The following FBXO25 variants were observed in gnomAD, a reference collection of about 807,000 sequenced individuals.
FBXO25 encodes the protein F-box only protein 25.
A neutral mutation model predicts 51.9 loss-of-function variants in FBXO25; 45 were observed. The observed-to-expected ratio is 0.87, with a 90% confidence interval of 0.68 to 1.11. The LOEUF (loss-of-function observed/expected upper bound fraction) is 1.11. Among genes scored for constraint, FBXO25 ranks in the 50% most tolerant of loss-of-function variants. The pLI, the probability that FBXO25 is intolerant of heterozygous loss-of-function variation, is 0.00. For missense variants in FBXO25, 507 were observed against 428.5 expected, an observed-to-expected ratio of 1.18 and a Z score of -1.62; for synonymous variants, 199 against 151.0, an observed-to-expected ratio of 1.32 and a Z score of -2.33.
intron 5 of FBXO25, among the ~76,000 whole-genome samples, chr8:437,489 C>A (rs962464311): frequency 6.6e-6 from 1 of 152,220 alleles, no homozygotes; most frequent in Non-Finnish European, 1.5e-5. Flanking sequence ...ATCCCACCTT[C>A]CCTCTCCTGA....
chr8:462,871 C>G (rs1799904801), intron 8 of FBXO25, 136 bp from the exon 9 acceptor site: 39 of 1,027,658 alleles, frequency 3.8e-5, no homozygotes, highest in Non-Finnish European at 5.1e-5. Context: ...GTAACCAAAA[C>G]CCACTTGTAA....
At chr8:427,399 G>A (rs2117574515) in intron 2 of FBXO25, among the ~76,000 whole-genome samples, 1 of 151,034 alleles carries the variant, frequency 6.6e-6, no homozygotes, top group East Asian at 1.9e-4. Context: ...GGCACTTAGA[G>A]TCATGGCAAC....
Position 460,678 on chromosome 8 carries a change from C to T in FBXO25, c.843+2127C>T, listed in dbSNP as rs78513538. On this transcript the variant is annotated intron_variant, in intron 8 of 9. Transcript: ENST00000350302. ...GGAAAACCATGGGAGGGGATTCTCC[C>T]GTGAACACTGGTGTCACACACAGTC... 2.9e-3 allele frequency among the ~76,000 whole-genome samples: 443 copies of T among 152,282 alleles called. 3 individuals are homozygous for T. Among genetic ancestry groups the T allele is most frequent in the Middle Eastern group, 0.01 (3 of 294 alleles).
At chr8:462,375 GA>G (rs2116821458) in intron 8 of FBXO25, among the ~76,000 whole-genome samples, 1 of 152,206 alleles carries the variant, frequency 6.6e-6, no homozygotes, top group Admixed American at 6.5e-5. Flanking sequence ...ATCTATTCTA[GA>G]TATAAGTCTG....
intron 5 of FBXO25, among the ~76,000 whole-genome samples, chr8:438,950 G>C (rs1398962991): frequency 1.3e-5 from 2 of 152,124 alleles, no homozygotes; most frequent in African/African-American, 4.8e-5. Context: ...GCAGGGGCTT[G>C]GTTTGTTCAC....
chr8:434,425 C>T (rs942294534), intron 4 of FBXO25, among the ~76,000 whole-genome samples: 17 of 152,266 alleles, frequency 1.1e-4, no homozygotes, highest in Non-Finnish European at 2.1e-4. Flanking sequence ...GTTTCCTTTC[C>T]CCAGAGTTCC....
intron 7 of FBXO25, among the ~76,000 whole-genome samples, chr8:451,906 A>C (rs1463826057): frequency 6.6e-6 from 1 of 152,224 alleles, no homozygotes; most frequent in Non-Finnish European, 1.5e-5. Context: ...AGAAGGTGCA[A>C]ATCATGTCAG....
chr8:426,672 C>A (rs1413584003), intron 2 of FBXO25, among the ~76,000 whole-genome samples: 1 of 151,494 alleles, frequency 6.6e-6, no homozygotes, highest in African/African-American at 2.4e-5. Context: ...GGTGGACTTT[C>A]TGGCACAGCC....
rs181511883 is a variant in FBXO25, at chr8:462,484, T to C, written c.844-523T>C. On this transcript the variant is annotated intron_variant, in intron 8 of 9. Transcript: ENST00000350302. Reference sequence around the variant, plus strand: ...TTAAGTCTGTTTAACAGCTGCTTGGTATTCCATTATACAGGCATAACACAA... The same window carrying C: ...TTAAGTCTGTTTAACAGCTGCTTGGCATTCCATTATACAGGCATAACACAA... 1.8e-4 allele frequency among the ~76,000 whole-genome samples: 28 copies of C among 152,354 alleles called. No homozygotes were observed. The East Asian group carries it at 5.2e-3, about 28-fold the overall frequency.
intron 6 of FBXO25, among the ~76,000 whole-genome samples, chr8:450,550 CTATATT>C: frequency 6.6e-6 from 1 of 152,254 alleles, no homozygotes; most frequent in East Asian, 1.9e-4. Context: ...ATATATGACT[CTATATT>C]TAAGCCATTT....
rs755004042 is a variant in FBXO25, at chr8:477,774, C to G, written c.*8970C>G. 1 of 152,270 alleles carries G rather than the reference C, an allele frequency of 6.6e-6. No individual in the cohort carries two copies. Among genetic ancestry groups the G allele is most frequent in the Non-Finnish European group, 1.5e-5 (1 of 68,056 alleles). 9.4% of individuals were successfully genotyped at this position (152,270 alleles called of 1,614,324 possible). A position where few individuals can be genotyped will look rare whatever the true frequency, so the allele number is the denominator to read the frequency against. On this transcript the variant is annotated 3_prime_UTR_variant, in exon 10 of 10. Transcript: ENST00000350302. ...TTTTTGGACAATAAAATCTGAATTT[C>G]ACATACTTTTCTTATGTCATTAGAT...
At chr8:431,726 G>T (rs1797831045) in intron 3 of FBXO25, among the ~76,000 whole-genome samples, 1 of 152,196 alleles carries the variant, frequency 6.6e-6, no homozygotes, top group South Asian at 2.1e-4. Context: ...CTTGAGCAGT[G>T]AGGCCAAACT....
chr8:477,002 TACC>T lies in FBXO25; in HGVS notation c.*8201_*8203del, dbSNP rs1285824516. On this transcript the variant is annotated 3_prime_UTR_variant, in exon 10 of 10. Coordinates refer to ENST00000350302, the MANE Select transcript of FBXO25 (RefSeq NM_183420.2). Reference sequence around the variant, plus strand: ...TTTTTTGTATATTACATTTTTCATTTACCACAAGATATTTTCTAATTTCCCTTG... The same window carrying T: ...TTTTTTGTATATTACATTTTTCATTTACAAGATATTTTCTAATTTCCCTTG... The T allele has an allele frequency of 6.6e-6, 1 of 152,084 alleles. No individual in the cohort carries two copies. Among genetic ancestry groups the T allele is most frequent in the Non-Finnish European group, 1.5e-5 (1 of 68,038 alleles). The allele number at this position is 152,084 out of a possible 1,614,324, so 9.4% of individuals were successfully genotyped here.
chr8:467,279 T>C (rs1263796395), intron 9 of FBXO25, among the ~76,000 whole-genome samples: 1 of 152,180 alleles, frequency 6.6e-6, no homozygotes, highest in Non-Finnish European at 1.5e-5. Flanking sequence ...ATTGACTTAA[T>C]GTGCATTACT....
At chr8:437,463 C>T (rs1798168142) in intron 5 of FBXO25, among the ~76,000 whole-genome samples, 1 of 152,258 alleles carries the variant, frequency 6.6e-6, no homozygotes, top group Non-Finnish European at 1.5e-5. Flanking sequence ...CTCATCTGTG[C>T]TCCTGCTCTG....
intron 9 of FBXO25, among the ~76,000 whole-genome samples, chr8:465,135 C>T (rs989811740): frequency 6.6e-6 from 1 of 152,092 alleles, no homozygotes; most frequent in Non-Finnish European, 1.5e-5. Flanking sequence ...GGAAAGGGGC[C>T]GATTGAGTGA....
intron 2 of FBXO25, among the ~76,000 whole-genome samples, chr8:422,894 G>A (rs975315186): frequency 3.3e-5 from 5 of 152,056 alleles, no homozygotes; most frequent in Middle Eastern, 3.2e-3. Flanking sequence ...GTTACGGGAG[G>A]TACACAGGTC....
At chr8:424,483 C>A (rs1414128772) in intron 2 of FBXO25, among the ~76,000 whole-genome samples, 2 of 152,178 alleles carry the variant, frequency 1.3e-5, no homozygotes, top group African/African-American at 4.8e-5. Context: ...CTTCCAGGAT[C>A]TTACAGTTTG....
At position 458,535 on chromosome 8, in the gene FBXO25, A is replaced by G; in HGVS notation, c.827A>G (p.His276Arg). The change falls in exon 8 of 10, where the codon CAT becomes CGT. Residue 276 changes from histidine (H) to arginine (R), a missense_variant. Transcript: ENST00000350302. ...RQLWKKLCQY[H>R]FAEKQFCRHL... ...CTGTGGAAGAAGCTTTGTCAGTACC[A>G]TTTTGCTGAAAAGCAGGTGAGTGGG... 1 of 1,613,980 alleles carries G rather than the reference A, an allele frequency of 6.2e-7. No homozygotes were observed. The highest frequency in any genetic ancestry group is 1.3e-5 in the African/African-American group (1 of 75,024).
Sources: gnomAD v4.1 joint callset for allele counts (sites outside exome capture counted in the v4.1 genomes callset) on GRCh38, gnomAD v4.1.1 for gene constraint, MANE v1.5 for transcripts, NCBI Gene and HGNC (gene_info 2026-07-23, HGNC 2026-07-21) for gene names.